Variants in ARHGAP15 observed in about 807,000 individuals in gnomAD.
The protein encoded by ARHGAP15 is Rho GTPase activating protein 15, also known as rho GTPase-activating protein 15.
Under a neutral mutation model 63.7 loss-of-function variants are expected in ARHGAP15, and 51 were observed. The observed-to-expected ratio is 0.80, with a 90% confidence interval of 0.64 to 1.01. The LOEUF (loss-of-function observed/expected upper bound fraction) is 1.01, where lower values mean the gene tolerates loss of function less well. ARHGAP15 is among the 50% of genes least tolerant of loss of function. The pLI, the probability that ARHGAP15 is intolerant of heterozygous loss-of-function variation, is 0.00. For synonymous variants in ARHGAP15, 191 were observed against 193.8 expected (o/e 0.99, Z 0.12); for missense variants, 560 against 564.6 (o/e 0.99, Z 0.08).
At chr2:143,304,244 C>G (rs1221887588) in intron 6 of ARHGAP15, among the ~76,000 whole-genome samples, 1 of 152,104 alleles carries the variant, frequency 6.6e-6, no homozygotes, top group African/African-American at 2.4e-5. Context: ...GAAAATGTGG[C>G]ACATATACAC....
At chr2:143,700,394 C>G (rs1684032518) in intron 12 of ARHGAP15, among the ~76,000 whole-genome samples, 1 of 152,180 alleles carries the variant, frequency 6.6e-6, no homozygotes, top group Non-Finnish European at 1.5e-5. Context: ...AACAAGACTA[C>G]TCCCCACTTC....
chr2:143,421,802 G>A (rs71423266), intron 6 of ARHGAP15, among the ~76,000 whole-genome samples: 8 of 13,080 alleles, frequency 6.1e-4, no homozygotes, highest in South Asian at 3.0e-3. Flanking sequence ...ATATATATAT[G>A]TGTGTGTTTC....
rs112924143 is a variant in ARHGAP15, at chr2:143,735,393, A to C, written c.1244+31869A>C. On this transcript the variant is annotated intron_variant, in intron 13 of 13. Coordinates refer to ENST00000295095, the MANE Select transcript of ARHGAP15 (RefSeq NM_018460.4). ...TCAATTGCCAAAGGGTATTGCATAG[A>C]ATTTGTTTCTTTCCATTTCTAAACT... Among the ~76,000 whole-genome samples, 1,486 of 152,244 alleles carry C rather than the reference A, an allele frequency of 9.8e-3. 20 individuals are homozygous for C. Among genetic ancestry groups the C allele is most frequent in the African/African-American group, 0.034 (1,411 of 41,532 alleles).
chr2:143,297,952 G>C (rs565822510), intron 6 of ARHGAP15, among the ~76,000 whole-genome samples: 1 of 152,100 alleles, frequency 6.6e-6, no homozygotes, highest in South Asian at 2.1e-4. Flanking sequence ...TGTTCTGTGT[G>C]ATCTTCTACC....
intron 1 of ARHGAP15, among the ~76,000 whole-genome samples, chr2:143,153,804 T>G (rs987456537): frequency 4.6e-5 from 3 of 64,532 alleles, no homozygotes; most frequent in Non-Finnish European, 9.4e-5. Context: ...CTTCTTCTTC[T>G]TCTTCTTCTT....
chr2:143,435,540 A>G (rs1689571598), intron 6 of ARHGAP15, 61 bp from the exon 7 acceptor site: 7 of 1,441,662 alleles, frequency 4.9e-6, no homozygotes, highest in Non-Finnish European at 6.4e-6. Flanking sequence ...TACATGTAAG[A>G]GATCTATCTT....
At position 143,472,618 on chromosome 2, in the gene ARHGAP15, G is replaced by A. The variant is rs1691631591; in HGVS notation, c.704-14755G>A. ...TCAGTATTGTGAGGTTTAATTGTTA[G>A]CTCCCAAAGCCTAAGGACTATCTCT... is the stretch of plus-strand genomic sequence containing the variant. On this transcript the variant is annotated intron_variant, in intron 8 of 13. Coordinates refer to ENST00000295095, the MANE Select transcript of ARHGAP15 (RefSeq NM_018460.4). Among the ~76,000 whole-genome samples, 3 of 151,840 alleles carry A rather than the reference G, an allele frequency of 2.0e-5. No individual in the cohort carries two copies. The South Asian group carries it at 6.3e-4, about 32-fold the overall frequency.
At chr2:143,261,594 A>G (rs184968157) in intron 6 of ARHGAP15, among the ~76,000 whole-genome samples, 1 of 151,806 alleles carries the variant, frequency 6.6e-6, no homozygotes, top group African/African-American at 2.4e-5. Context: ...GGTGATTACC[A>G]GCCTTGGCCT....
At chr2:143,195,288 G>A (rs1447293641) in intron 2 of ARHGAP15, among the ~76,000 whole-genome samples, 3 of 152,132 alleles carry the variant, frequency 2.0e-5, no homozygotes, top group East Asian at 3.9e-4. Flanking sequence ...TGGGCAGATG[G>A]AGGAAAGTGG....
intron 9 of ARHGAP15, among the ~76,000 whole-genome samples, chr2:143,511,960 TTGTC>T (rs1307990577): frequency 6.6e-6 from 1 of 152,236 alleles, no homozygotes; most frequent in Non-Finnish European, 1.5e-5. Context: ...ATTTAATTCA[TTGTC>T]TGTCAAGGGC....
chr2:143,472,440 T>C (rs967452835), intron 8 of ARHGAP15, among the ~76,000 whole-genome samples: 12 of 152,074 alleles, frequency 7.9e-5, no homozygotes, highest in African/African-American at 2.7e-4. Context: ...TGTGAGAAAA[T>C]GTACTGTCTC....
intron 13 of ARHGAP15, among the ~76,000 whole-genome samples, chr2:143,733,290 C>T (rs988836000): frequency 5.3e-5 from 8 of 152,142 alleles, no homozygotes; most frequent in Non-Finnish European, 5.9e-5. Flanking sequence ...GAGTTGAGCC[C>T]TTTCTAGGAA....
chr2:143,645,771 T>C (rs1271727626), intron 12 of ARHGAP15, among the ~76,000 whole-genome samples: 2 of 152,048 alleles, frequency 1.3e-5, no homozygotes, highest in African/African-American at 4.8e-5. Flanking sequence ...AAATTCAGCT[T>C]ATATTGCAAG....
At chr2:143,460,823 C>A (rs1690897635) in intron 8 of ARHGAP15, among the ~76,000 whole-genome samples, 1 of 152,052 alleles carries the variant, frequency 6.6e-6, no homozygotes, top group African/African-American at 2.4e-5. Flanking sequence ...GGAAAGGAAC[C>A]CAGAGTGGGC....
intron 10 of ARHGAP15, chr2:143,519,609 C>G (rs1487661388): frequency 3.4e-6 from 1 of 292,414 alleles, no homozygotes; most frequent in Non-Finnish European, 6.5e-6. Context: ...ACTGTTGATT[C>G]AAGTGCAAAC....
intron 11 of ARHGAP15, among the ~76,000 whole-genome samples, chr2:143,580,507 C>T (rs1414338683): frequency 6.6e-6 from 1 of 152,198 alleles, no homozygotes; most frequent in Non-Finnish European, 1.5e-5. Flanking sequence ...TATTCTGGAT[C>T]TCTTCTTTTC....
At chr2:143,605,413 G>A (rs1697949786) in intron 11 of ARHGAP15, among the ~76,000 whole-genome samples, 1 of 152,032 alleles carries the variant, frequency 6.6e-6, no homozygotes, top group South Asian at 2.1e-4. Flanking sequence ...CACATAATTA[G>A]CACCTTAAAC....
chr2:143,579,011 T>C (rs887088619), intron 11 of ARHGAP15, among the ~76,000 whole-genome samples: 9 of 152,170 alleles, frequency 5.9e-5, no homozygotes, highest in African/African-American at 2.2e-4. Flanking sequence ...AGTAAATCTC[T>C]TTAAAGTGGG....
At chr2:143,421,417 G>A (rs1313126060) in intron 6 of ARHGAP15, among the ~76,000 whole-genome samples, 1 of 151,948 alleles carries the variant, frequency 6.6e-6, no homozygotes, top group East Asian at 1.9e-4. Flanking sequence ...GAGGGTGCAG[G>A]GTGGGAAGAG....
Sources: allele counts gnomAD v4.1 joint callset (sites outside exome capture counted in the v4.1 genomes callset), GRCh38; gene constraint gnomAD v4.1.1; transcripts MANE v1.5; gene names NCBI Gene and HGNC (gene_info 2026-07-23, HGNC 2026-07-21).